The following AP3B1 variants were observed in gnomAD, a reference collection of about 807,000 sequenced individuals.
The protein encoded by AP3B1 is adaptor related protein complex 3 subunit beta 1, also known as AP-3 complex subunit beta-1.
A neutral mutation model predicts 132.5 loss-of-function variants in AP3B1; 61 were observed. That is an observed-to-expected ratio of 0.46 (90% CI 0.37 to 0.57). The LOEUF is 0.57. AP3B1 is among the 20% of genes least tolerant of loss of function. AP3B1 has a pLI of 0.00. For synonymous variants in AP3B1, 388 were observed against 438.3 expected (o/e 0.89, Z 1.43); for missense variants, 1,120 against 1,289.4 (o/e 0.87, Z 2.01).
At chr5:78,006,593 T>C (rs757102005) in intron 26 of AP3B1, among the ~76,000 whole-genome samples, 3 of 152,202 alleles carry the variant, frequency 2.0e-5, no homozygotes, top group Non-Finnish European at 4.4e-5. Context: ...CCTTTTTGAA[T>C]GGAGCTGTAA....
At chr5:78,192,043 A>C (rs1744857130) in intron 7 of AP3B1, among the ~76,000 whole-genome samples, 1 of 151,836 alleles carries the variant, frequency 6.6e-6, no homozygotes, top group Non-Finnish European at 1.5e-5. Context: ...TATTTTTAGT[A>C]GAGACAGGGT....
At chr5:78,210,443 A>G (rs1745687674) in intron 7 of AP3B1, among the ~76,000 whole-genome samples, 1 of 152,194 alleles carries the variant, frequency 6.6e-6, no homozygotes, top group Non-Finnish European at 1.5e-5. Context: ...TACTTTAAAC[A>G]AAATTCTAAA....
intron 14 of AP3B1, among the ~76,000 whole-genome samples, chr5:78,148,023 A>T (rs1472034380): frequency 6.8e-6 from 1 of 147,526 alleles, no homozygotes; most frequent in African/African-American, 2.4e-5. Flanking sequence ...ACAGAGCAAG[A>T]CTCCATTAAA....
At chr5:78,286,826 A>T (rs958189100) in intron 1 of AP3B1, among the ~76,000 whole-genome samples, 3 of 152,180 alleles carry the variant, frequency 2.0e-5, no homozygotes, top group Non-Finnish European at 4.4e-5. Flanking sequence ...TAGATCTATT[A>T]AGTCTTTCCA....
chr5:78,121,784 C>G (rs1295375560), intron 17 of AP3B1: 1 of 152,228 alleles, frequency 6.6e-6, no homozygotes, highest in Admixed American at 6.5e-5. Context: ...GAGCTGGTAC[C>G]ATTCCTTCTG....
chr5:78,252,332 C>T (rs888075088), intron 2 of AP3B1, among the ~76,000 whole-genome samples: 6 of 151,940 alleles, frequency 3.9e-5, no homozygotes, highest in Non-Finnish European at 7.4e-5. Context: ...TCTGCCTTGC[C>T]CCCTAGGTAC....
At chr5:78,094,324 C>A (rs1299952603) in intron 21 of AP3B1, among the ~76,000 whole-genome samples, 1 of 152,014 alleles carries the variant, frequency 6.6e-6, no homozygotes, top group African/African-American at 2.4e-5. Flanking sequence ...TGTTAACTGA[C>A]CCCCATGAAA....
chr5:78,161,103 G>A (rs967465560), intron 13 of AP3B1, among the ~76,000 whole-genome samples: 1 of 151,778 alleles, frequency 6.6e-6, no homozygotes, highest in African/African-American at 2.4e-5. Context: ...CTTTTAGAGA[G>A]GAAGTATGTA....
chr5:78,165,852 T>C (rs1042981429), intron 11 of AP3B1, among the ~76,000 whole-genome samples, 180 bp from the exon 12 acceptor site: 5 of 152,308 alleles, frequency 3.3e-5, no homozygotes, highest in South Asian at 4.1e-4. Flanking sequence ...GCGGATCACC[T>C]GAGGCTGGGA....
intron 1 of AP3B1, among the ~76,000 whole-genome samples, chr5:78,278,348 C>T (rs1224515520): frequency 1.3e-5 from 2 of 151,004 alleles, no homozygotes; most frequent in African/African-American, 4.8e-5. Flanking sequence ...CAAAAGGGGA[C>T]TAATTCTTTG....
intron 24 of AP3B1, among the ~76,000 whole-genome samples, chr5:78,031,359 T>G (rs1253080163): frequency 2.0e-5 from 3 of 152,196 alleles, no homozygotes; most frequent in African/African-American, 2.4e-5. Flanking sequence ...TGACACTGGC[T>G]TTACCCTGGT....
intron 21 of AP3B1, among the ~76,000 whole-genome samples, chr5:78,097,372 G>A (rs1418591944): frequency 9.0e-5 from 12 of 133,898 alleles, no homozygotes; most frequent in South Asian, 2.5e-4. Context: ...CGCCCTGTCC[G>A]GGAGGGAGGT....
intron 14 of AP3B1, among the ~76,000 whole-genome samples, chr5:78,152,559 G>A (rs942471679): frequency 2.0e-5 from 3 of 151,948 alleles, no homozygotes; most frequent in Non-Finnish European, 4.4e-5. Flanking sequence ...TTTCTGCTCT[G>A]ATTTTTATTT....
At chr5:78,175,251 A>G (rs1407835224) in intron 11 of AP3B1, among the ~76,000 whole-genome samples, 2 of 152,168 alleles carry the variant, frequency 1.3e-5, no homozygotes, top group Admixed American at 6.5e-5. Context: ...TCCCAGTGAG[A>G]TGAACCAGGT....
chr5:78,075,278 C>T (rs1321354585), intron 22 of AP3B1, among the ~76,000 whole-genome samples: 1 of 152,178 alleles, frequency 6.6e-6, no homozygotes, highest in African/African-American at 2.4e-5. Flanking sequence ...ACAATAGTTA[C>T]TATTATAATG....
chr5:78,077,517 A>AATC lies in AP3B1; in HGVS notation c.2577+11873_2577+11875dup, dbSNP rs1370389899. 4.6e-5 allele frequency among the ~76,000 whole-genome samples: 7 copies of AATC among 152,316 alleles called. No individual in the cohort carries two copies. In the East Asian group the frequency reaches 1.2e-3, roughly 25 times the overall value. On this transcript the variant is annotated intron_variant, in intron 22 of 26. Coordinates refer to ENST00000255194, the MANE Select transcript of AP3B1 (RefSeq NM_003664.5). ...AAAAAGATTGGAAAACAAGTTAAGGAATCATTACTACAATTTTCCCATGAC... is the reference window on the plus strand; with the variant it reads ...AAAAAGATTGGAAAACAAGTTAAGGAATCATCATTACTACAATTTTCCCATGAC...
intron 17 of AP3B1, among the ~76,000 whole-genome samples, chr5:78,124,361 C>G (rs995627743): frequency 4.0e-5 from 6 of 151,666 alleles, no homozygotes; most frequent in Middle Eastern, 3.4e-3. Context: ...AAAAATTAAA[C>G]ACACACACAC....
At chr5:78,118,074 G>A (rs1021688976) in intron 17 of AP3B1, among the ~76,000 whole-genome samples, 9 of 152,068 alleles carry the variant, frequency 5.9e-5, no homozygotes, top group South Asian at 2.1e-4. Flanking sequence ...GTTTTTAAAC[G>A]CTAATATAAA....
chr5:78,124,118 T>C (rs543965453), intron 17 of AP3B1, among the ~76,000 whole-genome samples: 2 of 152,220 alleles, frequency 1.3e-5, no homozygotes, highest in African/African-American at 2.4e-5. Context: ...AAACACCACA[T>C]GTTCTCACTC....
Sources: gnomAD v4.1 joint callset for allele counts (sites outside exome capture counted in the v4.1 genomes callset) on GRCh38, gnomAD v4.1.1 for gene constraint, MANE v1.5 for transcripts, NCBI Gene and HGNC (gene_info 2026-07-23, HGNC 2026-07-21) for gene names.